STXBP4: variants seen among roughly 807,000 people sequenced by gnomAD.
STXBP4 encodes syntaxin binding protein 4.
STXBP4 carries 55 observed loss-of-function variants against 76.1 expected under a neutral mutation model. That is an observed-to-expected ratio of 0.72 (90% CI 0.58 to 0.91). The LOEUF is 0.91. Ranked by LOEUF, STXBP4 falls within the 40% of genes least tolerant of loss-of-function variation. The probability of loss-of-function intolerance (pLI) is 0.00; values close to 1 mark genes in which losing one functional copy is unlikely to be tolerated. For synonymous variants in STXBP4, 201 were observed against 220.2 expected, an observed-to-expected ratio of 0.91 and a Z score of 0.77; for missense variants, 618 against 636.9, an observed-to-expected ratio of 0.97 and a Z score of 0.32.
At chr17:55,126,421 A>G (rs2079913860) in intron 16 of STXBP4, among the ~76,000 whole-genome samples, 1 of 152,212 alleles carries the variant, frequency 6.6e-6, no homozygotes, top group South Asian at 2.1e-4. Flanking sequence ...AAATGCTAAA[A>G]GTATAATACC....
At chr17:55,072,798 CT>C (rs1191923687) in intron 12 of STXBP4, 101 bp from the exon 13 acceptor site, 5 of 947,146 alleles carry the variant, frequency 5.3e-6, no homozygotes, top group African/African-American at 5.1e-5. Context: ...TGTATATTGA[CT>C]TTTTGGAATT....
intron 13 of STXBP4, among the ~76,000 whole-genome samples, chr17:55,073,688 G>T (rs1203762291): frequency 6.6e-6 from 1 of 152,178 alleles, no homozygotes; most frequent in Non-Finnish European, 1.5e-5. Flanking sequence ...GAGTGCAATG[G>T]CATGATCTCA....
At chr17:55,204,833 C>CACACACACACACACACAT in the STXBP4 span, among the ~76,000 whole-genome samples, 23 of 123,196 alleles carry the variant, frequency 1.9e-4, no homozygotes, top group Admixed American at 4.5e-4. Flanking sequence ...CACACACACA[C>CACACACACACACACACAT]ACACACACAC....
chr17:55,183,388 C>A, the STXBP4 span, among the ~76,000 whole-genome samples: 1 of 152,066 alleles, frequency 6.6e-6, no homozygotes, highest in South Asian at 2.1e-4. Flanking sequence ...GAGTTCAAGA[C>A]CAGCCCGGGC....
At chr17:55,057,587 G>A (rs1305432256) in intron 12 of STXBP4, among the ~76,000 whole-genome samples, 2 of 152,146 alleles carry the variant, frequency 1.3e-5, no homozygotes, top group Non-Finnish European at 2.9e-5. Flanking sequence ...TGTGCAGAAC[G>A]TGCAGGTTTA....
chr17:55,040,837 T>C (rs1567733280), intron 10 of STXBP4, among the ~76,000 whole-genome samples: 1 of 152,188 alleles, frequency 6.6e-6, no homozygotes, highest in Non-Finnish European at 1.5e-5. Flanking sequence ...CTGATAGATT[T>C]TGAAAACACG....
At chr17:55,150,262 C>A (rs1598352122) in intron 17 of STXBP4, among the ~76,000 whole-genome samples, 1 of 152,152 alleles carries the variant, frequency 6.6e-6, no homozygotes, top group African/African-American at 2.4e-5. Context: ...AAGATCAGGG[C>A]GCCATCAGGG....
chr17:55,034,808 G>GT (rs2078570091), intron 10 of STXBP4, among the ~76,000 whole-genome samples: 1 of 152,016 alleles, frequency 6.6e-6, no homozygotes, highest in Non-Finnish European at 1.5e-5. Flanking sequence ...TTCTAACAAT[G>GT]TAGATTGGTT....
chr17:55,127,097 A>ATAT (rs1340863631), intron 16 of STXBP4, among the ~76,000 whole-genome samples: 2 of 152,188 alleles, frequency 1.3e-5, no homozygotes, highest in African/African-American at 4.8e-5. Context: ...ATGCCCTAGA[A>ATAT]TATTTCCATC....
At chr17:55,067,412 A>C (rs1395529464) in intron 12 of STXBP4, among the ~76,000 whole-genome samples, 1 of 152,202 alleles carries the variant, frequency 6.6e-6, no homozygotes, top group Non-Finnish European at 1.5e-5. Flanking sequence ...AAATGATGGA[A>C]AAAGGTGAAA....
At chr17:55,159,733 T>C in intron 17 of STXBP4, 64 bp from the exon 18 acceptor site, 1 of 1,084,078 alleles carries the variant, frequency 9.2e-7, no homozygotes, top group Non-Finnish European at 1.4e-6. Flanking sequence ...CCAGGATCAG[T>C]ACTTGCATGG....
At position 55,078,551 on chromosome 17, in the gene STXBP4, T is replaced by A. The variant is rs79808873; in HGVS notation, c.1306-135T>A. 5 of 604,280 alleles carry A rather than the reference T, an allele frequency of 8.3e-6. No homozygotes were observed. In the East Asian group the frequency reaches 1.5e-4, roughly 18 times the overall value. 37.4% of individuals were successfully genotyped at this position (604,280 alleles called of 1,614,324 possible). A position where few individuals can be genotyped will look rare whatever the true frequency, so the allele number is the denominator to read the frequency against. ...GTAAAACTGCATGTTAGTTCAATTGTTTGCACCCCCGCTACATAATAGAAG... is the reference window on the plus strand; with the variant it reads ...GTAAAACTGCATGTTAGTTCAATTGATTGCACCCCCGCTACATAATAGAAG... On this transcript the variant is annotated intron_variant, in intron 14 of 17. Transcript: ENST00000376352.
chr17:55,065,363 C>T (rs1317764910), intron 12 of STXBP4, among the ~76,000 whole-genome samples: 1 of 152,076 alleles, frequency 6.6e-6, no homozygotes, highest in African/African-American at 2.4e-5. Context: ...TCCTCCAAAA[C>T]AAAATTTGAT....
chr17:55,076,052 A>G (rs1014597530), intron 13 of STXBP4, among the ~76,000 whole-genome samples: 4 of 152,108 alleles, frequency 2.6e-5, no homozygotes, highest in African/African-American at 4.8e-5. Flanking sequence ...ATGTAGATGT[A>G]TAGTGATTCT....
the STXBP4 span, among the ~76,000 whole-genome samples, chr17:55,182,318 A>G: frequency 6.6e-6 from 1 of 152,212 alleles, no homozygotes; most frequent in Non-Finnish European, 1.5e-5. Context: ...AGATATAACC[A>G]AAATTAAGAA....
intron 9 of STXBP4, among the ~76,000 whole-genome samples, chr17:55,032,662 T>C (rs2078529918): frequency 6.6e-6 from 1 of 152,144 alleles, no homozygotes; most frequent in Non-Finnish European, 1.5e-5. Context: ...AAAAGAAGTA[T>C]ATTCCTTTGA....
chr17:55,182,325 A>G, the STXBP4 span, among the ~76,000 whole-genome samples: 1 of 152,338 alleles, frequency 6.6e-6, no homozygotes, highest in African/African-American at 2.4e-5. Flanking sequence ...ACCAAAATTA[A>G]GAACTCCATG....
intron 4 of STXBP4, chr17:54,991,794 ATAAT>A (rs1216753369): frequency 1.3e-5 from 2 of 150,684 alleles, no homozygotes; most frequent in Non-Finnish European, 3.0e-5. Context: ...TCAAATGTAA[ATAAT>A]TTAATAAAAT....
chr17:54,989,201 G>C (rs952962041), intron 3 of STXBP4, among the ~76,000 whole-genome samples: 2 of 152,114 alleles, frequency 1.3e-5, no homozygotes, highest in Non-Finnish European at 2.9e-5. Context: ...TCTGCCTCCC[G>C]GGTTCACGCC....
Sources: allele counts gnomAD v4.1 joint callset (sites outside exome capture counted in the v4.1 genomes callset), GRCh38; gene constraint gnomAD v4.1.1; transcripts MANE v1.5; gene names NCBI Gene and HGNC (gene_info 2026-07-23, HGNC 2026-07-21).